IFT122: variants seen among roughly 807,000 people sequenced by gnomAD.
IFT122 encodes the protein intraflagellar transport protein 122 homolog.
In IFT122, 118 loss-of-function variants were observed where a neutral mutation model predicts 161.6. That is an observed-to-expected ratio of 0.73 (90% CI 0.63 to 0.85). The LOEUF is 0.85. Among genes scored for constraint, IFT122 ranks in the 40% least tolerant of loss-of-function variants. The pLI is 0.00. For synonymous variants in IFT122, 550 were observed against 602.4 expected (o/e 0.91, Z 1.27); for missense variants, 1,381 against 1,579.6 (o/e 0.87, Z 2.13).
intron 21 of IFT122, among the ~76,000 whole-genome samples, chr3:129,504,853 G>C (rs988263570): frequency 1.3e-5 from 2 of 152,178 alleles, no homozygotes; most frequent in African/African-American, 2.4e-5. Context: ...GAGGTAATGT[G>C]AGCCAGGGTA....
chr3:129,489,707 C>T (rs572551211), intron 16 of IFT122, among the ~76,000 whole-genome samples: 18 of 152,124 alleles, frequency 1.2e-4, no homozygotes, highest in African/African-American at 3.1e-4. Context: ...GGCATGGTGG[C>T]AGGCGCCTGT....
chr3:129,470,242 A>T (rs904237266), intron 9 of IFT122, among the ~76,000 whole-genome samples: 8 of 114,712 alleles, frequency 7.0e-5, no homozygotes, highest in East Asian at 6.9e-4. Context: ...ATGATTTTTT[A>T]TTTATTTATT....
chr3:129,444,629 C>G (rs1402938312), intron 1 of IFT122, among the ~76,000 whole-genome samples: 2 of 152,044 alleles, frequency 1.3e-5, no homozygotes, highest in East Asian at 3.9e-4. Flanking sequence ...TCAAGCCATT[C>G]TCCTGCCTCA....
chr3:129,487,996 C>G (rs2108399763), intron 15 of IFT122: 1 of 546,882 alleles, frequency 1.8e-6, no homozygotes, highest in Non-Finnish European at 3.3e-6. Context: ...TATGGCGAGG[C>G]AGGCCTGTAG....
At chr3:129,446,093 TATG>T (rs149813360) in intron 1 of IFT122, among the ~76,000 whole-genome samples, 5,476 of 152,100 alleles carry the variant, frequency 0.036, 305 homozygotes, top group African/African-American at 0.11. Flanking sequence ...AGACTTTAAG[TATG>T]ATAAGAAACA....
intron 27 of IFT122, among the ~76,000 whole-genome samples, chr3:129,518,383 G>A (rs1456620743): frequency 6.6e-6 from 1 of 152,214 alleles, no homozygotes; most frequent in Admixed American, 6.5e-5. Context: ...CTGAGGCCTC[G>A]CTCCCTTGCA....
chr3:129,448,556 C>A (rs1166753564), intron 1 of IFT122, among the ~76,000 whole-genome samples: 9 of 152,140 alleles, frequency 5.9e-5, no homozygotes, highest in Non-Finnish European at 1.3e-4. Flanking sequence ...CGTTTCTTTA[C>A]TGTACACGTG....
chr3:129,510,076 T>C (rs1245640773), intron 23 of IFT122, among the ~76,000 whole-genome samples: 1 of 152,140 alleles, frequency 6.6e-6, no homozygotes, highest in Non-Finnish European at 1.5e-5. Context: ...GCATTTCTCT[T>C]TTTTCAGAGA....
chr3:129,454,662 T>C (rs777402142), intron 3 of IFT122, among the ~76,000 whole-genome samples: 11 of 151,888 alleles, frequency 7.2e-5, no homozygotes, highest in Non-Finnish European at 1.6e-4. Context: ...TTGAGGAATG[T>C]GGGTCAGTCC....
At position 129,452,017 on chromosome 3, in the gene IFT122, T is replaced by C. The variant is rs1298669536; in HGVS notation, c.193+19T>C. 6.4e-7 allele frequency: 1 copy of C among 1,566,404 alleles called. No homozygotes were observed. Among genetic ancestry groups the C allele is most frequent in the Admixed American group, 1.7e-5 (1 of 59,958 alleles). On this transcript the variant is annotated intron_variant, in intron 3 of 29. Coordinates refer to ENST00000348417, the MANE Select transcript of IFT122 (RefSeq NM_052989.3). Reference sequence around the variant, plus strand: ...AAGGATGGTAAAAGGCTGCTCTGGGTTTCCATTCTCTATAATAGCCTCATC... The same window carrying C: ...AAGGATGGTAAAAGGCTGCTCTGGGCTTCCATTCTCTATAATAGCCTCATC...
intron 8 of IFT122, among the ~76,000 whole-genome samples, chr3:129,468,031 G>C (rs2076983000): frequency 6.6e-6 from 1 of 152,252 alleles, no homozygotes; most frequent in East Asian, 1.9e-4. Context: ...CTCCCCAAGA[G>C]GGCTCACTGG....
intron 9 of IFT122, among the ~76,000 whole-genome samples, chr3:129,474,370 T>C (rs1290069042): frequency 1.3e-5 from 2 of 152,226 alleles, no homozygotes; most frequent in African/African-American, 4.8e-5. Context: ...ATAATGTTAA[T>C]CACAAATCGT....
chr3:129,479,877 C>T lies in IFT122; in HGVS notation c.1443C>T (p.Gly481=). ...TTCGTTACATCAAGGTGATCGGTGG[C>T]CCTCCTGGAAGAGAAGGCCTCTTAG... ...SLIRYIKVIG[G]PPGREGLLVG... Residue 481 remains glycine (G), a synonymous_variant, in exon 13 of 30, where the codon GGC becomes GGT. Transcript: ENST00000348417. 4 of 1,613,910 alleles carry T rather than the reference C, an allele frequency of 2.5e-6. No homozygotes were observed. The South Asian group carries it at 4.4e-5, about 18-fold the overall frequency.
chr3:129,440,805 A>G (rs1409425958), intron 1 of IFT122, among the ~76,000 whole-genome samples: 1 of 152,244 alleles, frequency 6.6e-6, no homozygotes, highest in Non-Finnish European at 1.5e-5. Flanking sequence ...TTATTACTCC[A>G]TTTATGAAAA....
At position 129,458,661 on chromosome 3, in the gene IFT122, G is replaced by A; in HGVS notation, c.256G>A (p.Gly86Ser). 1 of 1,613,256 alleles carries A rather than the reference G, an allele frequency of 6.2e-7. No individual in the cohort carries two copies. Among genetic ancestry groups the A allele is most frequent in the Non-Finnish European group, 8.5e-7 (1 of 1,179,210 alleles). The change falls in exon 4 of 30, where the codon GGC becomes AGC. Residue 86 changes from glycine to serine, a missense_variant. By Grantham distance (56) the Gly-to-Ser change is moderately conservative. Around this residue, in one of 7 missense-constraint regions of IFT122, gnomAD observed 134 missense variants for 137.4 expected, o/e 0.98. Coordinates refer to ENST00000348417, the MANE Select transcript of IFT122 (RefSeq NM_052989.3). The stretch of plus-strand genomic sequence containing the variant: ...TATTATCTGGACATCAAAACTGGAA[G>A]GCATTCTGAAGTACACGTAAGTAAC... Reference protein sequence around the residue: ...SVIIWTSKLEGILKYTHNDAI... With the variant: ...SVIIWTSKLESILKYTHNDAI...
At chr3:129,480,266 T>G (rs1489138627) in intron 13 of IFT122, among the ~76,000 whole-genome samples, 1 of 152,206 alleles carries the variant, frequency 6.6e-6, no homozygotes, top group African/African-American at 2.4e-5. Flanking sequence ...GTTACCTAGG[T>G]CAGCTCCTGA....
intron 29 of IFT122, among the ~76,000 whole-genome samples, chr3:129,519,975 T>C (rs776243443): frequency 6.6e-6 from 1 of 152,144 alleles, no homozygotes; most frequent in Non-Finnish European, 1.5e-5. Context: ...GATGTGCCCT[T>C]GACCTTCACT....
At chr3:129,515,282 C>T in intron 25 of IFT122, 1 of 630,390 alleles carries the variant, frequency 1.6e-6, no homozygotes, top group South Asian at 1.9e-5. Context: ...CACGGGGACC[C>T]AAGTGACAGG....
In IFT122 at chr3:129,473,689, T is replaced by C. The variant is rs963686875; in HGVS notation, c.817-2626T>C. Among the ~76,000 whole-genome samples the C allele has an allele frequency of 3.3e-5, 5 of 152,196 alleles. No homozygotes were observed. The South Asian group carries it at 1.0e-3, about 32-fold the overall frequency. On this transcript the variant is annotated intron_variant, in intron 9 of 29. Coordinates refer to ENST00000348417, the MANE Select transcript of IFT122 (RefSeq NM_052989.3). ...TATGTGCAGAATTTAAGCTCTTACT[T>C]TGCTTCTCTTTTCTGGGATTTCCCA...
Sources: allele counts gnomAD v4.1 joint callset (sites outside exome capture counted in the v4.1 genomes callset), GRCh38; gene constraint gnomAD v4.1.1; regional missense constraint gnomAD v4.1.1; transcripts MANE v1.5; gene names NCBI Gene and HGNC (gene_info 2026-07-23, HGNC 2026-07-21).